JARID2: variants seen among roughly 807,000 people sequenced by gnomAD.
The protein encoded by JARID2 is jumonji and AT-rich interaction domain containing 2.
JARID2 carries 21 observed loss-of-function variants against 125.6 expected under a neutral mutation model. That is an observed-to-expected ratio of 0.17 (90% CI 0.12 to 0.24). The LOEUF (loss-of-function observed/expected upper bound fraction) is 0.24. Among genes scored for constraint, JARID2 ranks in the 10% least tolerant of loss-of-function variants. The pLI, the probability that JARID2 is intolerant of heterozygous loss-of-function variation, is 1.00. For missense variants in JARID2, 1,303 were observed against 1,639.6 expected (o/e 0.79, Z 3.55); for synonymous variants, 736 against 661.6 (o/e 1.11, Z -1.73).
At chr6:15,299,359 TAG>T (rs1340620333) in intron 1 of JARID2, among the ~76,000 whole-genome samples, 1 of 152,116 alleles carries the variant, frequency 6.6e-6, no homozygotes, top group Non-Finnish European at 1.5e-5. Flanking sequence ...GTGTGTTTGG[TAG>T]AGGAAGGGAT....
At chr6:15,249,737 G>T (rs1759366201) in intron 1 of JARID2, among the ~76,000 whole-genome samples, 1 of 152,130 alleles carries the variant, frequency 6.6e-6, no homozygotes, top group African/African-American at 2.4e-5. Flanking sequence ...AGAGTTGGGG[G>T]TGCGATTGTC....
intron 1 of JARID2, among the ~76,000 whole-genome samples, chr6:15,326,734 A>G (rs1762545358): frequency 6.6e-6 from 1 of 152,218 alleles, no homozygotes; most frequent in Non-Finnish European, 1.5e-5. Context: ...CTCCTGGCCT[A>G]AAGTGATCAG....
intron 1 of JARID2, among the ~76,000 whole-genome samples, chr6:15,283,096 A>G (rs1266307363): frequency 1.3e-5 from 2 of 151,384 alleles, no homozygotes; most frequent in Non-Finnish European, 2.9e-5. Flanking sequence ...CTCCTGCCTC[A>G]GCCTCCCGAG....
chr6:15,282,400 T>G (rs1283357611), intron 1 of JARID2, among the ~76,000 whole-genome samples: 1 of 152,170 alleles, frequency 6.6e-6, no homozygotes, highest in East Asian at 1.9e-4. Context: ...ATATCACTCA[T>G]CATTGTCTTA....
chr6:15,409,392 C>T (rs561564147), intron 2 of JARID2, among the ~76,000 whole-genome samples: 6 of 152,318 alleles, frequency 3.9e-5, no homozygotes, highest in Admixed American at 1.3e-4. Flanking sequence ...TAGTGGACAG[C>T]GGGTCTAGTT....
At position 15,497,043 on chromosome 6, in the gene JARID2, G is replaced by C; in HGVS notation, c.1818G>C (p.Arg606=). ...RPECKLNDEM[R]FVTQIQHIHK... The stretch of plus-strand genomic sequence containing the variant: ...AGTGCAAGCTCAACGATGAGATGCG[G>C]TTTGTCACGCAGATTCAGCACATCC... Residue 606 remains arginine, a synonymous_variant, in exon 7 of 18, where the codon CGG becomes CGC. Transcript: ENST00000341776. The C allele has an allele frequency of 6.2e-7, 1 of 1,612,188 alleles. No homozygotes were observed. Among genetic ancestry groups the C allele is most frequent in the Non-Finnish European group, 8.5e-7 (1 of 1,179,216 alleles).
chr6:15,499,441 C>G (rs1449513762), intron 7 of JARID2, among the ~76,000 whole-genome samples: 1 of 152,188 alleles, frequency 6.6e-6, no homozygotes, highest in Non-Finnish European at 1.5e-5. Flanking sequence ...TTTTCAGGTG[C>G]TCTTGCGTTA....
chr6:15,494,169 A>C (rs1770290482), intron 6 of JARID2, among the ~76,000 whole-genome samples: 1 of 152,202 alleles, frequency 6.6e-6, no homozygotes, highest in African/African-American at 2.4e-5. Context: ...ATAGAGAAAT[A>C]CAGGTCTCAG....
intron 1 of JARID2, chr6:15,248,199 C>A (rs1361306368): frequency 3.4e-6 from 2 of 588,818 alleles, no homozygotes; most frequent in East Asian, 1.6e-4. Context: ...GTGTTCCCGA[C>A]GTCCTCGAGC....
At chr6:15,467,741 C>T (rs1346705034) in intron 4 of JARID2, among the ~76,000 whole-genome samples, 1 of 151,978 alleles carries the variant, frequency 6.6e-6, no homozygotes, top group Non-Finnish European at 1.5e-5. Flanking sequence ...TTGCTTGGCC[C>T]AGTAAAGGGT....
At chr6:15,508,850 G>A in intron 12 of JARID2, 1 of 673,256 alleles carries the variant, frequency 1.5e-6, no homozygotes, top group Non-Finnish European at 2.2e-6. Flanking sequence ...TCACCTTAGG[G>A]TTAAGGAACA....
intron 1 of JARID2, among the ~76,000 whole-genome samples, chr6:15,296,705 C>T (rs1761428834): frequency 6.6e-6 from 1 of 152,158 alleles, no homozygotes; most frequent in South Asian, 2.1e-4. Flanking sequence ...TACTGGGAGG[C>T]CTTAAAGCTG....
chr6:15,440,343 A>G (rs530670606), intron 3 of JARID2, among the ~76,000 whole-genome samples: 21 of 152,336 alleles, frequency 1.4e-4, no homozygotes, highest in African/African-American at 5.1e-4. Flanking sequence ...GTCTGAGGTC[A>G]TGGAATGGTT....
intron 8 of JARID2, 90 bp downstream of exon 8, chr6:15,501,499 T>G: frequency 7.8e-7 from 1 of 1,275,424 alleles, no homozygotes; most frequent in Non-Finnish European, 1.1e-6. Flanking sequence ...CTGGACGGTG[T>G]GTTCTCTGAT....
chr6:15,311,446 G>A (rs113331047), intron 1 of JARID2, among the ~76,000 whole-genome samples: 34 of 152,280 alleles, frequency 2.2e-4, no homozygotes, highest in Admixed American at 1.7e-3. Context: ...GCATGGTGGC[G>A]CATGCCTGTA....
chr6:15,432,819 A>G (rs1002665891), intron 3 of JARID2, among the ~76,000 whole-genome samples: 1 of 152,232 alleles, frequency 6.6e-6, no homozygotes, highest in Non-Finnish European at 1.5e-5. Context: ...CTAAGCTGTT[A>G]AAAGCTACTT....
At position 15,496,722 on chromosome 6, in the gene JARID2, G is replaced by A. The variant is rs201664236; in HGVS notation, c.1497G>A (p.Pro499=). 1.2e-5 allele frequency: 19 copies of A among 1,613,552 alleles called. No individual in the cohort carries two copies. The highest frequency in any genetic ancestry group is 3.3e-5 in the Admixed American group (2 of 60,010). The change falls in exon 7 of 18, where the codon CCG becomes CCA. Residue 499 remains proline (P), a synonymous_variant. Coordinates refer to ENST00000341776, the MANE Select transcript of JARID2 (RefSeq NM_004973.4). ...AGCGCAGTCTGGAGAGGAATCGGCCGAAGCGGGCCACGGCCGGGAAGAGCA... is the reference window on the plus strand; with the variant it reads ...AGCGCAGTCTGGAGAGGAATCGGCCAAAGCGGGCCACGGCCGGGAAGAGCA... The part of the protein sequence containing the change: ...VPERSLERNR[P]KRATAGKSTP...
At chr6:15,357,744 T>C (rs1274927607) in intron 1 of JARID2, among the ~76,000 whole-genome samples, 1 of 152,180 alleles carries the variant, frequency 6.6e-6, no homozygotes, top group Non-Finnish European at 1.5e-5. Context: ...AACTCTTCTG[T>C]TTCTCCTGCA....
intron 3 of JARID2, among the ~76,000 whole-genome samples, chr6:15,441,975 A>G (rs1261821112): frequency 1.3e-5 from 2 of 151,958 alleles, no homozygotes; most frequent in Non-Finnish European, 2.9e-5. Context: ...TATTTTTAGT[A>G]GAGACCATGT....
Sources: allele counts gnomAD v4.1 joint callset (sites outside exome capture counted in the v4.1 genomes callset), GRCh38; gene constraint gnomAD v4.1.1; transcripts MANE v1.5; gene names NCBI Gene and HGNC (gene_info 2026-07-23, HGNC 2026-07-21).